SLC25A53: variants seen among roughly 807,000 people sequenced by gnomAD.
The protein encoded by SLC25A53 is solute carrier family 25 member 53, also known as mitochondrial carrier triple repeat protein 6.
In SLC25A53, 5 loss-of-function variants were observed where a neutral mutation model predicts 15.0. The ratio of observed to expected loss-of-function variants is 0.33; its 90% CI spans 0.17 to 0.70. The LOEUF (loss-of-function observed/expected upper bound fraction) is 0.70. Among genes scored for constraint, SLC25A53 ranks in the 30% least tolerant of loss-of-function variants. The pLI, the probability that SLC25A53 is intolerant of heterozygous loss-of-function variation, is 0.67. For synonymous variants in SLC25A53, 95 were observed against 100.0 expected (o/e 0.95, Z 0.30); for missense variants, 216 against 241.6 (o/e 0.89, Z 0.70).
At position 104,103,124 on chromosome X, in the gene SLC25A53, G is replaced by C. The variant is rs184963107; in HGVS notation, c.*1210C>G. ...TGGCACTCCAGCCTGGGCAACAAGA[G>C]CGAAACTCCGTCTCAAAAAAAAAAA... On this transcript the variant is annotated 3_prime_UTR_variant, in exon 2 of 2. Coordinates refer to ENST00000594199, the MANE Select transcript of SLC25A53 (RefSeq NM_001012755.5). 9.7e-6 allele frequency: 1 copy of C among 103,325 alleles called. No homozygotes were observed. Among genetic ancestry groups the C allele is most frequent in the Admixed American group, 1.0e-4 (1 of 9,636 alleles). 8.5% of individuals were successfully genotyped at this position (103,325 alleles called of 1,213,427 possible).
intron 1 of SLC25A53, among the ~76,000 whole-genome samples, chrX:104,142,584 T>C: frequency 9.0e-6 from 1 of 111,221 alleles, no homozygotes; most frequent in Non-Finnish European, 1.9e-5. Context: ...CTCGTCAGCA[T>C]AGGCAACTAC....
At chrX:104,147,325 C>A (rs375148731) in intron 1 of SLC25A53, among the ~76,000 whole-genome samples, 1 of 110,995 alleles carries the variant, frequency 9.0e-6, no homozygotes, top group Non-Finnish European at 1.9e-5. Flanking sequence ...AAGACTTAAA[C>A]GTTAGACCTA....
At chrX:104,152,680 C>T (rs1433440035) in intron 1 of SLC25A53, among the ~76,000 whole-genome samples, 1 of 111,429 alleles carries the variant, frequency 9.0e-6, no homozygotes, top group Non-Finnish European at 1.9e-5. Flanking sequence ...TCAGGTGATC[C>T]ACCTGCCTCG....
chrX:104,154,887 T>C (rs1313626470), intron 1 of SLC25A53, among the ~76,000 whole-genome samples: 1 of 112,069 alleles, frequency 8.9e-6, no homozygotes, highest in African/African-American at 3.2e-5. Flanking sequence ...AAATTCCATG[T>C]TGAGTCATTT....
At chrX:104,107,851 A>G (rs1354294551) in intron 1 of SLC25A53, among the ~76,000 whole-genome samples, 1 of 111,725 alleles carries the variant, frequency 9.0e-6, no homozygotes, top group Admixed American at 9.5e-5. Context: ...TTGATGTGTG[A>G]CCTTTAGAAA....
intron 1 of SLC25A53, among the ~76,000 whole-genome samples, chrX:104,154,930 AAT>A (rs1422151648): frequency 8.9e-6 from 1 of 112,220 alleles, no homozygotes; most frequent in East Asian, 2.8e-4. Context: ...TTAGGTGATG[AAT>A]ATGTTATTTA....
intron 1 of SLC25A53, among the ~76,000 whole-genome samples, chrX:104,118,118 A>G (rs1266543358): frequency 1.8e-5 from 2 of 112,736 alleles, no homozygotes; most frequent in African/African-American, 6.4e-5. Flanking sequence ...TGGAAGACAA[A>G]GAAGACTTGG....
intron 1 of SLC25A53, among the ~76,000 whole-genome samples, chrX:104,147,082 A>T (rs1556369254): frequency 8.9e-6 from 1 of 112,003 alleles, no homozygotes. Flanking sequence ...CCAAAACAGC[A>T]TGGTACTGGT....
chrX:104,116,851 C>A (rs1320405774), intron 1 of SLC25A53, among the ~76,000 whole-genome samples: 1 of 111,320 alleles, frequency 9.0e-6, no homozygotes, highest in East Asian at 2.8e-4. Context: ...TCATCCACAT[C>A]CCCATAATCC....
intron 1 of SLC25A53, among the ~76,000 whole-genome samples, chrX:104,156,315 C>T (rs1182963092): frequency 1.8e-5 from 2 of 111,324 alleles, no homozygotes; most frequent in African/African-American, 3.3e-5. Flanking sequence ...CTATCTCTGT[C>T]TCCTTGTATT....
intron 1 of SLC25A53, among the ~76,000 whole-genome samples, chrX:104,129,391 A>G (rs1001995265): frequency 4.5e-5 from 5 of 111,587 alleles, no homozygotes; most frequent in Admixed American, 9.6e-5. Context: ...ATTTTCCTCT[A>G]CAGGGCACAT....
intron 1 of SLC25A53, among the ~76,000 whole-genome samples, chrX:104,117,755 C>T (rs1345036666): frequency 1.8e-5 from 2 of 111,744 alleles, no homozygotes; most frequent in African/African-American, 6.5e-5. Flanking sequence ...GAATATAGTT[C>T]CCCTTGCTGC....
intron 1 of SLC25A53, among the ~76,000 whole-genome samples, chrX:104,107,300 C>A (rs1556356547): frequency 1.8e-5 from 2 of 112,459 alleles, no homozygotes; most frequent in East Asian, 2.8e-4. Context: ...CCCCTACCCC[C>A]ACATTCCATG....
At chrX:104,124,689 G>C (rs1249721950) in intron 1 of SLC25A53, among the ~76,000 whole-genome samples, 2 of 109,933 alleles carry the variant, frequency 1.8e-5, no homozygotes, top group African/African-American at 6.6e-5. Context: ...AGGAAGTTGA[G>C]GCTGCAGTGA....
At chrX:104,138,833 G>C (rs781948188) in intron 1 of SLC25A53, among the ~76,000 whole-genome samples, 51 of 111,707 alleles carry the variant, frequency 4.6e-4, no homozygotes, top group Non-Finnish European at 8.1e-4. Context: ...CGGCGTGCTG[G>C]TAACTGTCGA....
chrX:104,120,198 G>A (rs1453077597), intron 1 of SLC25A53, among the ~76,000 whole-genome samples: 3 of 111,576 alleles, frequency 2.7e-5, no homozygotes, highest in Non-Finnish European at 3.8e-5. Flanking sequence ...AATGTCTCCT[G>A]GTACATATGT....
intron 1 of SLC25A53, among the ~76,000 whole-genome samples, chrX:104,126,427 G>A (rs1330704218): frequency 8.9e-6 from 1 of 111,903 alleles, no homozygotes; most frequent in African/African-American, 3.2e-5. Flanking sequence ...GCTAAGGTGA[G>A]AGCATCACTT....
At chrX:104,152,736 C>G (rs2075488850) in intron 1 of SLC25A53, among the ~76,000 whole-genome samples, 1 of 112,087 alleles carries the variant, frequency 8.9e-6, no homozygotes, top group Non-Finnish European at 1.9e-5. Context: ...CCGCGCCCAG[C>G]CTGAGAACAG....
intron 1 of SLC25A53, among the ~76,000 whole-genome samples, chrX:104,149,424 T>C (rs1319223344): frequency 8.9e-6 from 1 of 112,506 alleles, no homozygotes; most frequent in East Asian, 2.8e-4. Flanking sequence ...CGTAATCCTT[T>C]AGGAGTTTTC....
Sources: gnomAD v4.1 joint callset for allele counts (sites outside exome capture counted in the v4.1 genomes callset) on GRCh38, gnomAD v4.1.1 for gene constraint, MANE v1.5 for transcripts, NCBI Gene and HGNC (gene_info 2026-07-23, HGNC 2026-07-21) for gene names.